REV3L: variants seen among roughly 807,000 people sequenced by gnomAD.
REV3L encodes REV3 like, DNA directed polymerase zeta catalytic subunit.
REV3L carries 69 observed loss-of-function variants against 299.4 expected under a neutral mutation model. That is an observed-to-expected ratio of 0.23 (90% confidence interval 0.19 to 0.28). The LOEUF (loss-of-function observed/expected upper bound fraction) is 0.28, where lower values mean the gene tolerates loss of function less well. Ranked by LOEUF, REV3L falls within the 10% of genes least tolerant of loss-of-function variation. The pLI is 1.00. For missense variants in REV3L, 3,128 were observed against 3,693.8 expected, an observed-to-expected ratio of 0.85 and a Z score of 3.97; for synonymous variants, 1,238 against 1,271.4, an observed-to-expected ratio of 0.97 and a Z score of 0.56.
Position 111,367,098 on chromosome 6 carries a change from GT to G in REV3L, c.6673+16del, listed in dbSNP as rs771387187. The G allele has an allele frequency of 2.6e-6, 4 of 1,524,064 alleles. No homozygotes were observed. The highest frequency in any genetic ancestry group is 2.6e-5 in the South Asian group (2 of 76,468). 94.4% of individuals were successfully genotyped at this position (1,524,064 alleles called of 1,614,324 possible). A position where few individuals can be genotyped will look rare whatever the true frequency, so the allele number is the denominator to read the frequency against. ...TGAAGAACAATTATGGAGACTTCCT[GT>G]TATTTGTACACTTACCTGTTGATAA... On this transcript the variant is annotated intron_variant, in intron 14 of 31. Transcript: ENST00000368802.
chr6:111,372,553 C>A, intron 13 of REV3L, 43 bp downstream of exon 13: 1 of 1,363,374 alleles, frequency 7.3e-7, no homozygotes, highest in Non-Finnish European at 9.7e-7. Context: ...TTTTATATAT[C>A]ATAATAATTC....
chr6:111,391,066 AT>A (rs35980642), intron 5 of REV3L, among the ~76,000 whole-genome samples: 3,152 of 137,296 alleles, frequency 0.023, 35 homozygotes, highest in African/African-American at 0.035. Context: ...ACACTTTGGT[AT>A]TTTTTTTTTT....
chr6:111,479,454 G>T (rs949649513), intron 1 of REV3L, among the ~76,000 whole-genome samples: 1 of 151,028 alleles, frequency 6.6e-6, no homozygotes, highest in Non-Finnish European at 1.5e-5. Context: ...TCCTCAGTTG[G>T]CAAGGGATTA....
In REV3L at chr6:111,375,091, G is replaced by A. The variant is rs750379813; in HGVS notation, c.3264C>T (p.Pro1088=). 5.6e-6 allele frequency: 9 copies of A among 1,613,766 alleles called. No individual in the cohort carries two copies. Among genetic ancestry groups the A allele is most frequent in the Middle Eastern group, 1.6e-4 (1 of 6,062 alleles). Residue 1088 remains proline, a synonymous_variant, in exon 13 of 32, where the codon CCC becomes CCT. Coordinates refer to ENST00000368802, the MANE Select transcript of REV3L (RefSeq NM_001372078.1). ...CGGTTTCAGCATTGTAAGATGGTGA[G>A]GGAGGAGAAAGAATAGCATGTGACC... ...KKRSHAILSP[P]SPSYNAETED...
At chr6:111,327,792 A>G (rs1008527770) in intron 25 of REV3L, among the ~76,000 whole-genome samples, 3 of 152,184 alleles carry the variant, frequency 2.0e-5, no homozygotes, top group African/African-American at 7.2e-5. Flanking sequence ...ACAAAATCAT[A>G]TTACTGTACC....
chr6:111,437,200 A>G (rs184882536), intron 1 of REV3L, among the ~76,000 whole-genome samples: 246 of 152,346 alleles, frequency 1.6e-3, no homozygotes, highest in African/African-American at 5.5e-3. Flanking sequence ...AGTTAAAAAA[A>G]TAGAGTTATC....
At chr6:111,395,639 C>T (rs1399699572) in intron 4 of REV3L, among the ~76,000 whole-genome samples, 1 of 152,042 alleles carries the variant, frequency 6.6e-6, no homozygotes, top group Non-Finnish European at 1.5e-5. Flanking sequence ...ATCATGTCAC[C>T]TGTGAAAAAG....
chr6:111,361,716 G>A (rs1324924889), intron 16 of REV3L: 1 of 152,170 alleles, frequency 6.6e-6, no homozygotes, highest in East Asian at 1.9e-4. Context: ...TCTGCACTGA[G>A]TACTGATGTG....
At chr6:111,445,778 G>A (rs1287904844) in intron 1 of REV3L, among the ~76,000 whole-genome samples, 1 of 152,168 alleles carries the variant, frequency 6.6e-6, no homozygotes. Context: ...ATTTACACCA[G>A]TCTTTAAAGG....
In REV3L at chr6:111,482,788, T is replaced by A; in HGVS notation, c.101A>T (p.Lys34Met). 1 of 1,489,388 alleles carries A rather than the reference T, an allele frequency of 6.7e-7. No homozygotes were observed. Among genetic ancestry groups the A allele is most frequent in the Non-Finnish European group, 8.9e-7 (1 of 1,119,656 alleles). The allele number at this position is 1,489,388 out of a possible 1,614,324, so 92.3% of individuals were successfully genotyped here. A position where few individuals can be genotyped will look rare whatever the true frequency, so the allele number is the denominator to read the frequency against. The change falls in exon 1 of 32, where the codon AAG becomes ATG. Residue 34 changes from lysine to methionine, a missense_variant. By Grantham distance (95) the Lys-to-Met change is moderately conservative. Coordinates refer to ENST00000368802, the MANE Select transcript of REV3L (RefSeq NM_001372078.1). Reference protein sequence around the residue: ...QSPLTQAPVKKVPVVRVFGAT... With the variant: ...QSPLTQAPVKMVPVVRVFGAT... ...TCCGAAGACTCGCACCACCGGCACCTTCTTGACAGGGGCCTGGGTGAGGGG... is the reference window on the plus strand; with the variant it reads ...TCCGAAGACTCGCACCACCGGCACCATCTTGACAGGGGCCTGGGTGAGGGG...
At chr6:111,341,094 C>A (rs771638101) in intron 21 of REV3L, among the ~76,000 whole-genome samples, 1 of 136,290 alleles carries the variant, frequency 7.3e-6, no homozygotes, top group Non-Finnish European at 1.5e-5. Flanking sequence ...TGGAGTGGAG[C>A]GCAGTGGCGT....
At chr6:111,394,577 A>C (rs536233248) in intron 4 of REV3L, among the ~76,000 whole-genome samples, 195 of 151,886 alleles carry the variant, frequency 1.3e-3, no homozygotes, top group Admixed American at 2.9e-3. Context: ...TACTCTGTTG[A>C]TTGTTTCCTT....
At chr6:111,444,575 A>G (rs1788623802) in intron 1 of REV3L, among the ~76,000 whole-genome samples, 1 of 152,216 alleles carries the variant, frequency 6.6e-6, no homozygotes, top group South Asian at 2.1e-4. Context: ...TGATGGGGCC[A>G]TTTCCACAGA....
In REV3L at chr6:111,376,607, C is replaced by T. The variant is rs1389979609; in HGVS notation, c.1748G>A (p.Ser583Asn). Residue 583 changes from serine (S) to asparagine (N), a missense_variant, in exon 13 of 32, where the codon AGT (serine) becomes AAT (asparagine). By Grantham distance (46) the Ser-to-Asn change is conservative. Transcript: ENST00000368802. ...AKITFQCKHT[S>N]ALSSHVLNKE... ...GTTCAAAACATGGGAAGAAAGGGCACTTGTGTGTTTACACTGAAAGGTAAT... is the reference window on the plus strand; with the variant it reads ...GTTCAAAACATGGGAAGAAAGGGCATTTGTGTGTTTACACTGAAAGGTAAT... The T allele has an allele frequency of 6.2e-7, 1 of 1,613,326 alleles. No homozygotes were observed. Among genetic ancestry groups the T allele is most frequent in the South Asian group, 1.1e-5 (1 of 91,048 alleles).
intron 1 of REV3L, among the ~76,000 whole-genome samples, chr6:111,468,635 T>C (rs1251852204): frequency 6.6e-6 from 1 of 152,208 alleles, no homozygotes; most frequent in Non-Finnish European, 1.5e-5. Context: ...ATAATCTTGA[T>C]GAAGACATGG....
rs1266376342 is a variant in REV3L, at chr6:111,380,122, G to C, written c.1314C>G (p.Arg438=). Reference sequence around the variant, plus strand: ...GTGGATATTTATTATTTCCAAAGGAGCGACATGGTGATGGCATCCTATTTC... The same window carrying C: ...GTGGATATTTATTATTTCCAAAGGACCGACATGGTGATGGCATCCTATTTC... ...GERNRMPSPC[R]SFGNNKYPQN... is the part of the protein sequence containing the mutation. The change falls in exon 11 of 32, where the codon CGC becomes CGG. Residue 438 remains arginine (R), a synonymous_variant. Coordinates refer to ENST00000368802, the MANE Select transcript of REV3L (RefSeq NM_001372078.1). 5.0e-6 allele frequency: 8 copies of C among 1,613,704 alleles called. No individual in the cohort carries two copies. The highest frequency in any genetic ancestry group is 6.8e-6 in the Non-Finnish European group (8 of 1,179,856).
In REV3L at chr6:111,374,678, A is replaced by G; in HGVS notation, c.3677T>C (p.Leu1226Pro). ...CTGAGATTTTATTTTTTCATCCTTAAGTGTTGTATGCTTTCTCGATGTACC... is the reference window on the plus strand; with the variant it reads ...CTGAGATTTTATTTTTTCATCCTTAGGTGTTGTATGCTTTCTCGATGTACC... ...EKGTSRKHTT[L>P]KDEKIKSQSG... The change falls in exon 13 of 32, where the codon CTT (leucine) becomes CCT (proline). Residue 1226 changes from leucine (L) to proline (P), a missense_variant. By Grantham distance (98) the Leu-to-Pro change is moderately conservative. Around this residue, in one of 9 missense-constraint regions of REV3L, gnomAD observed 2,409 missense variants for 2,611.8 expected, o/e 0.92. Transcript: ENST00000368802. The G allele has an allele frequency of 6.2e-7, 1 of 1,613,230 alleles. No individual in the cohort carries two copies. Among genetic ancestry groups the G allele is most frequent in the Non-Finnish European group, 8.5e-7 (1 of 1,179,836 alleles).
chr6:111,429,670 G>A lies in REV3L; in HGVS notation c.140-13198C>T, dbSNP rs17510541. Among the ~76,000 whole-genome samples, 960 of 152,272 alleles carry A rather than the reference G, an allele frequency of 6.3e-3. 12 individuals are homozygous for A. Among genetic ancestry groups the A allele is most frequent in the African/African-American group, 0.022 (909 of 41,536 alleles). On this transcript the variant is annotated intron_variant, in intron 1 of 31. Transcript: ENST00000368802. ...GTCAAAATGTGGGGGGCGGGGTGGGGTGGAGTTATAGGAAAGAGGGTTTTT... is the reference window on the plus strand; with the variant it reads ...GTCAAAATGTGGGGGGCGGGGTGGGATGGAGTTATAGGAAAGAGGGTTTTT...
chr6:111,357,117 A>G lies in REV3L; in HGVS notation c.7081T>C (p.Tyr2361His). The change falls in exon 18 of 32, where the codon TAT becomes CAT. Residue 2361 changes from tyrosine (Y) to histidine (H), a missense_variant. By Grantham distance (83) the Tyr-to-His change is moderately conservative. This residue lies in a region of REV3L where 82 missense variants were observed against 142.7 expected (regional missense o/e 0.57). Coordinates refer to ENST00000368802, the MANE Select transcript of REV3L (RefSeq NM_001372078.1). The stretch of plus-strand genomic sequence containing the variant: ...GATCTAATAAGTAATGGAGTCTGAT[A>G]TCTGATATCTAAAAAACAAACAAAA... ...DKTVFSQDIRYQTPLLIRSGI... is the reference protein window; with the variant it reads ...DKTVFSQDIRHQTPLLIRSGI... 1 of 1,511,776 alleles carries G rather than the reference A, an allele frequency of 6.6e-7. No individual in the cohort carries two copies. The highest frequency in any genetic ancestry group is 9.0e-7 in the Non-Finnish European group (1 of 1,113,972). The allele number at this position is 1,511,776 out of a possible 1,614,324, so 93.6% of individuals were successfully genotyped here.
Sources: allele counts gnomAD v4.1 joint callset (sites outside exome capture counted in the v4.1 genomes callset), GRCh38; gene constraint gnomAD v4.1.1; regional missense constraint gnomAD v4.1.1; transcripts MANE v1.5; gene names NCBI Gene and HGNC (gene_info 2026-07-23, HGNC 2026-07-21).